EDIL3: variants seen among roughly 807,000 people sequenced by gnomAD.
EDIL3 encodes EGF like and discoidin domains 3.
EDIL3 carries 37 observed loss-of-function variants against 67.4 expected under a neutral mutation model. The ratio of observed to expected loss-of-function variants is 0.55; its 90% CI spans 0.42 to 0.72. The LOEUF (loss-of-function observed/expected upper bound fraction) is 0.72. Ranked by LOEUF, EDIL3 falls within the 30% of genes least tolerant of loss-of-function variation. The pLI, the probability that EDIL3 is intolerant of heterozygous loss-of-function variation, is 0.00. For missense variants in EDIL3, 527 were observed against 586.3 expected (o/e 0.90, Z 1.04); for synonymous variants, 195 against 196.3 (o/e 0.99, Z 0.05).
At chr5:84,278,653 G>A (rs772632469) in intron 1 of EDIL3, among the ~76,000 whole-genome samples, 14 of 152,100 alleles carry the variant, frequency 9.2e-5, no homozygotes, top group Admixed American at 6.5e-4. Flanking sequence ...AGATTCTAAC[G>A]TAATCTTGAG....
chr5:84,343,102 G>A (rs1747159018), intron 1 of EDIL3, among the ~76,000 whole-genome samples: 2 of 152,058 alleles, frequency 1.3e-5, no homozygotes, highest in South Asian at 4.1e-4. Context: ...TAAAATATTT[G>A]TGCCTACATT....
Position 84,294,470 on chromosome 5 carries a change from C to T in EDIL3, c.68-40258G>A, listed in dbSNP as rs149631777. On this transcript the variant is annotated intron_variant, in intron 1 of 10. Transcript: ENST00000296591. ...GTTTCAACTAGCCAGATATACTAGA[C>T]AAATATTCATAAGAAATAAAACATT... is the stretch of plus-strand genomic sequence containing the variant. 4.5e-3 allele frequency among the ~76,000 whole-genome samples: 675 copies of T among 148,626 alleles called. 3 individuals are homozygous for T. Among genetic ancestry groups the T allele is most frequent in the African/African-American group, 0.016 (645 of 40,440 alleles).
chr5:84,058,330 CAT>C (rs1193808793), intron 9 of EDIL3, among the ~76,000 whole-genome samples: 5 of 150,264 alleles, frequency 3.3e-5, no homozygotes, highest in Non-Finnish European at 5.9e-5. Flanking sequence ...GTAAGAGAAT[CAT>C]ATTTACCTTT....
rs540205728 is a variant in EDIL3 at position 84,375,368 on chromosome 5, T to A, written c.67+8940A>T. The stretch of plus-strand genomic sequence containing the variant: ...AAATGATTGCAGTTTGAAGTTTTTT[T>A]AAAAAAATAAACCATATTTTGGTTG... On this transcript the variant is annotated intron_variant, in intron 1 of 10. Coordinates refer to ENST00000296591, the MANE Select transcript of EDIL3 (RefSeq NM_005711.5). Among the ~76,000 whole-genome samples, 12 of 152,232 alleles carry A rather than the reference T, an allele frequency of 7.9e-5. No homozygotes were observed. In the East Asian group the frequency reaches 9.7e-4, roughly 12 times the overall value.
At chr5:84,349,593 G>C (rs1391686243) in intron 1 of EDIL3, among the ~76,000 whole-genome samples, 1 of 151,982 alleles carries the variant, frequency 6.6e-6, no homozygotes, top group African/African-American at 2.4e-5. Context: ...TTTTTAAATG[G>C]AATTCTGTTC....
chr5:83,957,655 G>A (rs1744537528), intron 10 of EDIL3, among the ~76,000 whole-genome samples: 2 of 151,680 alleles, frequency 1.3e-5, no homozygotes, highest in South Asian at 4.1e-4. Flanking sequence ...GGTTGAAAAG[G>A]ACCAGGGACT....
intron 2 of EDIL3, among the ~76,000 whole-genome samples, chr5:84,245,059 C>T (rs1744879219): frequency 6.6e-6 from 1 of 152,154 alleles, no homozygotes; most frequent in East Asian, 1.9e-4. Context: ...ATGATTTAAG[C>T]TTTCTTTGAT....
intron 3 of EDIL3, among the ~76,000 whole-genome samples, chr5:84,211,062 GAA>G (rs1744108031): frequency 1.3e-5 from 2 of 152,092 alleles, no homozygotes. Flanking sequence ...TACATTATTT[GAA>G]AAAGTCTCAT....
intron 1 of EDIL3, among the ~76,000 whole-genome samples, chr5:84,325,599 G>A (rs1746740937): frequency 6.6e-6 from 1 of 152,052 alleles, no homozygotes; most frequent in African/African-American, 2.4e-5. Flanking sequence ...AAAATTTAAA[G>A]TAGATTTATC....
chr5:84,316,284 C>T lies in EDIL3; in HGVS notation c.68-62072G>A, dbSNP rs929894499. On this transcript the variant is annotated intron_variant, in intron 1 of 10. Coordinates refer to ENST00000296591, the MANE Select transcript of EDIL3 (RefSeq NM_005711.5). ...AATATTAACTTTAAATGTAACTGGG[C>T]TAAATGCCCCAGTTAAAAGATACAG... 5.3e-5 allele frequency among the ~76,000 whole-genome samples: 8 copies of T among 152,154 alleles called. 1 individual carries two copies. Among genetic ancestry groups the T allele is most frequent in the Middle Eastern group, 3.4e-3 (1 of 294 alleles).
intron 4 of EDIL3, among the ~76,000 whole-genome samples, chr5:84,142,641 G>A (rs1352601562): frequency 6.6e-6 from 1 of 151,722 alleles, no homozygotes; most frequent in East Asian, 1.9e-4. Flanking sequence ...ATCCTTCTGG[G>A]GATAGATATC....
intron 3 of EDIL3, among the ~76,000 whole-genome samples, chr5:84,226,572 C>T (rs560630978): frequency 4.6e-5 from 7 of 151,686 alleles, no homozygotes; most frequent in Non-Finnish European, 1.0e-4. Context: ...TTAATTTACT[C>T]TTTTTATTAT....
intron 6 of EDIL3, among the ~76,000 whole-genome samples, chr5:84,075,461 G>GCTTCTTCTTCTTCTTCTTCTT (rs760523965): frequency 1.3e-5 from 2 of 151,806 alleles, no homozygotes; most frequent in African/African-American, 4.8e-5. Context: ...TTTGACAGGG[G>GCTTCTTCTTCTTCTTCTTCTT]CTTCTTCTTC....
Position 84,227,591 on chromosome 5 carries a change from G to A in EDIL3, c.226+2264C>T, listed in dbSNP as rs909053858. ...CCCATTACTGGGTATGTACTCAAAG[G>A]AAGACAGATCATTATACCAACAAGA... On this transcript the variant is annotated intron_variant, in intron 3 of 10. Transcript: ENST00000296591. Among the ~76,000 whole-genome samples, 14 of 152,198 alleles carry A rather than the reference G, an allele frequency of 9.2e-5. 1 individual carries two copies. The highest frequency in any genetic ancestry group is 3.1e-4 in the African/African-American group (13 of 41,560).
intron 9 of EDIL3, among the ~76,000 whole-genome samples, chr5:84,043,442 G>A (rs972658504): frequency 3.9e-5 from 6 of 152,156 alleles, no homozygotes; most frequent in Admixed American, 2.6e-4. Flanking sequence ...TATGAAGTAG[G>A]AACAGAGGCA....
chr5:84,032,398 A>G (rs900771532), intron 9 of EDIL3, among the ~76,000 whole-genome samples: 5 of 152,218 alleles, frequency 3.3e-5, no homozygotes, highest in African/African-American at 1.2e-4. Context: ...GAGTTACTTG[A>G]GAGTTCTGCA....
At chr5:84,317,090 C>T (rs1180210045) in intron 1 of EDIL3, among the ~76,000 whole-genome samples, 1 of 152,154 alleles carries the variant, frequency 6.6e-6, no homozygotes, top group African/African-American at 2.4e-5. Flanking sequence ...ATACCAGAAT[C>T]TCTGGGACAC....
rs939322344 is a variant in EDIL3 at position 84,171,825 on chromosome 5, C to G, written c.355+8568G>C. ...AAACTCCTAATGCCTATGCCATACTCCAGATAAATTAAGTCAGAATCTCTG... is the reference window on the plus strand; with the variant it reads ...AAACTCCTAATGCCTATGCCATACTGCAGATAAATTAAGTCAGAATCTCTG... On this transcript the variant is annotated intron_variant, in intron 4 of 10. Coordinates refer to ENST00000296591, the MANE Select transcript of EDIL3 (RefSeq NM_005711.5). Among the ~76,000 whole-genome samples, 3 of 152,138 alleles carry G rather than the reference C, an allele frequency of 2.0e-5. No individual in the cohort carries two copies. In the East Asian group the frequency reaches 5.8e-4, roughly 29 times the overall value.
chr5:84,166,325 TTAAG>T (rs1406368244), intron 4 of EDIL3, among the ~76,000 whole-genome samples: 1 of 152,144 alleles, frequency 6.6e-6, no homozygotes, highest in Non-Finnish European at 1.5e-5. Context: ...CACATACTAT[TTAAG>T]AGTTTTTGTT....
Sources: gnomAD v4.1 joint callset for allele counts (sites outside exome capture counted in the v4.1 genomes callset) on GRCh38, gnomAD v4.1.1 for gene constraint, MANE v1.5 for transcripts, NCBI Gene and HGNC (gene_info 2026-07-23, HGNC 2026-07-21) for gene names.